The following PLEKHM1 variants were observed in gnomAD, a reference collection of about 807,000 sequenced individuals.
The protein encoded by PLEKHM1 is pleckstrin homology and RUN domain containing M1, also known as pleckstrin homology domain-containing family M member 1.
In PLEKHM1, 28 loss-of-function variants were observed where a neutral mutation model predicts 94.3. The observed-to-expected ratio is 0.30, with a 90% CI of 0.22 to 0.41. The LOEUF is 0.41. Among genes scored for constraint, PLEKHM1 ranks in the 10% least tolerant of loss-of-function variants. PLEKHM1 has a pLI of 1.00. For synonymous variants in PLEKHM1, 424 were observed against 581.2 expected, an observed-to-expected ratio of 0.73 and a Z score of 3.89; for missense variants, 907 against 1,358.6, an observed-to-expected ratio of 0.67 and a Z score of 5.22.
chr17:45,486,026 C>T (rs1488501040), intron 1 of PLEKHM1, among the ~76,000 whole-genome samples: 2 of 150,076 alleles, frequency 1.3e-5, no homozygotes, highest in Non-Finnish European at 3.0e-5. Context: ...ACCATCCTGG[C>T]TAACACGGTG....
intron 1 of PLEKHM1, among the ~76,000 whole-genome samples, chr17:45,487,140 C>T (rs984063781): frequency 6.6e-6 from 1 of 152,184 alleles, no homozygotes; most frequent in African/African-American, 2.4e-5. Context: ...TGACTGGTGC[C>T]ATTTAGGAAG....
Position 45,458,362 on chromosome 17 carries a change from G to A in PLEKHM1, c.1386C>T (p.His462=). ...GAGTCCCCCTGTAAGAAGCTATTGG[G>A]TGGTCTGAAGCACTCTCCAGGGGTT... The part of the protein sequence containing the change: ...REQPLESASD[H]PIASYRGTPG... The change falls in exon 6 of 12, where the codon CAC becomes CAT. Residue 462 remains histidine, a synonymous_variant. Coordinates refer to ENST00000430334, the MANE Select transcript of PLEKHM1 (RefSeq NM_014798.3). The A allele has an allele frequency of 1.9e-6, 3 of 1,613,944 alleles. No homozygotes were observed. Among genetic ancestry groups the A allele is most frequent in the Non-Finnish European group, 2.5e-6 (3 of 1,179,798 alleles).
chr17:45,461,337 G>A (rs1308092422), intron 5 of PLEKHM1, among the ~76,000 whole-genome samples: 3 of 152,222 alleles, frequency 2.0e-5, no homozygotes, highest in Non-Finnish European at 4.4e-5. Context: ...TCTGTGAGGT[G>A]TCTTTTCATT....
intron 5 of PLEKHM1, 105 bp downstream of exon 5, chr17:45,468,104 G>C: frequency 7.2e-7 from 1 of 1,398,290 alleles, no homozygotes; most frequent in Non-Finnish European, 1.0e-6. Context: ...GGGAGAGGAA[G>C]GCTAACAGGG....
chr17:45,486,340 T>C (rs1205051689), intron 1 of PLEKHM1, among the ~76,000 whole-genome samples: 2 of 151,510 alleles, frequency 1.3e-5, no homozygotes, highest in African/African-American at 2.4e-5. Context: ...CCCAGCACTT[T>C]GGGAGGCCGA....
rs1444235767 is a variant in PLEKHM1, at chr17:45,490,640, C to A, written c.-42+12G>T. 2.2e-6 allele frequency: 1 copy of A among 449,236 alleles called. No individual in the cohort carries two copies. The highest frequency in any genetic ancestry group is 2.0e-5 in the African/African-American group (1 of 49,122). 27.8% of individuals were successfully genotyped at this position (449,236 alleles called of 1,614,324 possible). A position where few individuals can be genotyped will look rare whatever the true frequency, so the allele number is the denominator to read the frequency against. The stretch of plus-strand genomic sequence containing the variant: ...TCCGCCGCCCTCCTCGCATCTTGAC[C>A]CCCTAACTCACCAAGCGGAGCGAGG... On this transcript the variant is annotated intron_variant, in intron 1 of 11. Transcript: ENST00000430334.
intron 7 of PLEKHM1, among the ~76,000 whole-genome samples, chr17:45,451,536 C>T (rs1403127258): frequency 6.6e-6 from 1 of 152,230 alleles, no homozygotes; most frequent in Non-Finnish European, 1.5e-5. Context: ...CCCTGACCTT[C>T]ACCTGATTTC....
At chr17:45,467,229 G>A (rs932720494) in intron 5 of PLEKHM1, among the ~76,000 whole-genome samples, 1 of 152,196 alleles carries the variant, frequency 6.6e-6, no homozygotes, top group Non-Finnish European at 1.5e-5. Context: ...TTACAGGTGT[G>A]AGCCACCACA....
rs1180182222 is a variant in PLEKHM1 at position 45,436,682 on chromosome 17, C to A, written c.*1176G>T. 1 of 454,040 alleles carries A rather than the reference C, an allele frequency of 2.2e-6. No individual in the cohort carries two copies. The highest frequency in any genetic ancestry group is 4.4e-6 in the Non-Finnish European group (1 of 226,812). 28.1% of individuals were successfully genotyped at this position (454,040 alleles called of 1,614,324 possible). On this transcript the variant is annotated 3_prime_UTR_variant, in exon 12 of 12. Transcript: ENST00000430334. ...CCAGACTCCCACCCCAGCCCCAAGGCCCCTTCAAAGGCAGTCCTGCTCCGG... is the reference window on the plus strand; with the variant it reads ...CCAGACTCCCACCCCAGCCCCAAGGACCCTTCAAAGGCAGTCCTGCTCCGG...
In PLEKHM1 at chr17:45,445,100, T is replaced by C. The variant is rs1445110320; in HGVS notation, c.2837+370A>G. Among the ~76,000 whole-genome samples the C allele has an allele frequency of 6.6e-6, 1 of 152,272 alleles. No individual in the cohort carries two copies. Among genetic ancestry groups the C allele is most frequent in the Non-Finnish European group, 1.5e-5 (1 of 68,050 alleles). On this transcript the variant is annotated intron_variant, in intron 9 of 11. Coordinates refer to ENST00000430334, the MANE Select transcript of PLEKHM1 (RefSeq NM_014798.3). The surrounding 1 kb of genome is among the most constrained non-coding windows in gnomAD (Gnocchi z 4.2). ...CTCGCCAGGTGTGCAGTGCTTAGTA[T>C]GTTCTCAGTCCATGTTTTTGAGTGA...
At chr17:45,438,100 G>A (rs1186622390) in intron 11 of PLEKHM1, 131 bp from the exon 12 acceptor site, 13 of 708,818 alleles carry the variant, frequency 1.8e-5, no homozygotes, top group African/African-American at 1.4e-4. Context: ...CACGCACACC[G>A]TGCCTCTCCG....
intron 1 of PLEKHM1, among the ~76,000 whole-genome samples, chr17:45,485,420 C>T (rs1168117870): frequency 2.6e-5 from 4 of 152,108 alleles, no homozygotes; most frequent in African/African-American, 9.7e-5. Context: ...CAAAGTTGCC[C>T]TTCCCTTAAC....
intron 2 of PLEKHM1, among the ~76,000 whole-genome samples, chr17:45,479,336 G>A (rs1174153171): frequency 1.3e-5 from 2 of 152,056 alleles, no homozygotes; most frequent in African/African-American, 4.8e-5. Context: ...TGGATAACAG[G>A]CTGAAACCCC....
At chr17:45,479,517 C>CAAA (rs55781182) in intron 2 of PLEKHM1, among the ~76,000 whole-genome samples, 2 of 86,366 alleles carry the variant, frequency 2.3e-5, no homozygotes, top group South Asian at 3.9e-4. Flanking sequence ...GACTCCGCCT[C>CAAA]AAAAAAAAAA....
chr17:45,460,851 C>A (rs546308416), intron 5 of PLEKHM1, among the ~76,000 whole-genome samples: 1 of 152,248 alleles, frequency 6.6e-6, no homozygotes, highest in East Asian at 1.9e-4. Flanking sequence ...GAGCCACCTG[C>A]CCAGCAATGT....
At chr17:45,450,427 T>C (rs543154541) in intron 8 of PLEKHM1, among the ~76,000 whole-genome samples, 191 bp downstream of exon 8, 2 of 152,334 alleles carry the variant, frequency 1.3e-5, no homozygotes, top group East Asian at 1.9e-4. Context: ...GATAGAGCCC[T>C]GCCCAAGGCT....
chr17:45,486,438 C>T (rs1291227981), intron 1 of PLEKHM1, among the ~76,000 whole-genome samples: 2 of 147,266 alleles, frequency 1.4e-5, no homozygotes, highest in African/African-American at 5.0e-5. Flanking sequence ...AAAAATTAGC[C>T]GGGCGGGCAC....
chr17:45,460,989 A>C (rs1293088340), intron 5 of PLEKHM1, among the ~76,000 whole-genome samples: 1 of 152,184 alleles, frequency 6.6e-6, no homozygotes, highest in Non-Finnish European at 1.5e-5. Context: ...GGTTCACGCC[A>C]TTCTCCTGCC....
intron 6 of PLEKHM1, among the ~76,000 whole-genome samples, chr17:45,456,904 G>C (rs1320647532): frequency 6.6e-6 from 1 of 152,196 alleles, no homozygotes; most frequent in South Asian, 2.1e-4. Context: ...TGGGGAGGTC[G>C]GGCATAGTGG....
Sources: gnomAD v4.1 joint callset for allele counts (sites outside exome capture counted in the v4.1 genomes callset) on GRCh38, gnomAD v4.1.1 for gene constraint, Gnocchi (gnomAD v3.1) non-coding constraint, MANE v1.5 for transcripts, NCBI Gene and HGNC (gene_info 2026-07-23, HGNC 2026-07-21) for gene names.